ANKS3: variants seen among roughly 807,000 people sequenced by gnomAD.
ANKS3 encodes the protein ankyrin repeat and sterile alpha motif domain containing 3.
Under a neutral mutation model 80.7 loss-of-function variants are expected in ANKS3, and 62 were observed. That is an observed-to-expected ratio of 0.77 (90% CI 0.63 to 0.95). The LOEUF is 0.95. Among genes scored for constraint, ANKS3 ranks in the 40% least tolerant of loss-of-function variants. The pLI is 0.00. For missense variants in ANKS3, 1,150 were observed against 883.6 expected (o/e 1.30, Z -3.82); for synonymous variants, 489 against 355.3 (o/e 1.38, Z -4.23).
At chr16:4,733,192 G>A (rs1046393034) in intron 1 of ANKS3, among the ~76,000 whole-genome samples, 2 of 87,726 alleles carry the variant, frequency 2.3e-5, no homozygotes, top group East Asian at 4.0e-4. Context: ...GACAAAGCGA[G>A]ACTCCGTCTC....
intron 6 of ANKS3, among the ~76,000 whole-genome samples, chr16:4,714,538 C>T (rs1239991512): frequency 6.6e-6 from 1 of 152,212 alleles, no homozygotes; most frequent in Non-Finnish European, 1.5e-5. Context: ...AAGAAAGCAG[C>T]CTTTTAAACC....
chr16:4,724,272 C>A (rs755052594), intron 6 of ANKS3, among the ~76,000 whole-genome samples: 1 of 152,296 alleles, frequency 6.6e-6, no homozygotes, highest in East Asian at 1.9e-4. Context: ...TAAGATGTCT[C>A]TAAGTTACAG....
In ANKS3 at chr16:4,699,079, T is replaced by A. The variant is rs1382711052; in HGVS notation, c.1382A>T (p.Glu461Val). Reference sequence around the variant, plus strand: ...GATGCCAATTTCCTTCAGGTCGCTCTCAGTGAGGGTCAGAAAGATGCGGAG... The same window carrying A: ...GATGCCAATTTCCTTCAGGTCGCTCACAGTGAGGGTCAGAAAGATGCGGAG... ...VDLRIFLTLTESDLKEIGITL... is the reference protein window; with the variant it reads ...VDLRIFLTLTVSDLKEIGITL... Residue 461 changes from glutamate to valine, a missense_variant, in exon 12 of 18, where the codon GAG (glutamate) becomes GTG (valine). Glu to Val is a moderately radical substitution (Grantham distance 121). Transcript: ENST00000304283. 1 of 1,614,030 alleles carries A rather than the reference T, an allele frequency of 6.2e-7. No individual in the cohort carries two copies. Among genetic ancestry groups the A allele is most frequent in the East Asian group, 2.2e-5 (1 of 44,890 alleles).
In ANKS3 at chr16:4,726,641, T is replaced by C; in HGVS notation, c.491+18A>G. On this transcript the variant is annotated intron_variant, in intron 5 of 17. Transcript: ENST00000304283. Reference sequence around the variant, plus strand: ...ACACCTAGGCCACTCCTGTGGCCACTAAAGATGTGGCAATCACCTCACGTT... The same window carrying C: ...ACACCTAGGCCACTCCTGTGGCCACCAAAGATGTGGCAATCACCTCACGTT... 2 of 1,612,024 alleles carry C rather than the reference T, an allele frequency of 1.2e-6. No individual in the cohort carries two copies. The highest frequency in any genetic ancestry group is 1.7e-6 in the Non-Finnish European group (2 of 1,178,392).
rs779464781 is a variant in ANKS3 at position 4,700,926 on chromosome 16, G to C, written c.1284+44C>G. 4 of 1,611,192 alleles carry C rather than the reference G, an allele frequency of 2.5e-6. No homozygotes were observed. In the South Asian group the frequency reaches 3.3e-5, roughly 13 times the overall value. On this transcript the variant is annotated intron_variant, in intron 11 of 17. Transcript: ENST00000304283. Reference sequence around the variant, plus strand: ...ACACATGCCTCCTAAGTCACAAAAAGTGCCGTCTCTGAGTGTAACCTCCAG... The same window carrying C: ...ACACATGCCTCCTAAGTCACAAAAACTGCCGTCTCTGAGTGTAACCTCCAG...
Position 4,724,931 on chromosome 16 carries a change from G to A in ANKS3, c.492-100C>T, listed in dbSNP as rs144298959. On this transcript the variant is annotated intron_variant, in intron 5 of 17. Coordinates refer to ENST00000304283, the MANE Select transcript of ANKS3 (RefSeq NM_133450.4). ...AACCCTGAGCAGTGCACGAGTCACC[G>A]ATCCCTAAGCGTAGAACACTGTCCC... The A allele has an allele frequency of 4.4e-3, 4,257 of 962,538 alleles. 16 individuals carry two copies. Among genetic ancestry groups the A allele is most frequent in the Non-Finnish European group, 5.7e-3 (3,538 of 622,418 alleles). 59.6% of individuals were successfully genotyped at this position (962,538 alleles called of 1,614,324 possible).
Position 4,697,333 on chromosome 16 carries a change from C to T in ANKS3, c.1894G>A (p.Gly632Arg), listed in dbSNP as rs1461753506. 1 of 1,602,058 alleles carries T rather than the reference C, an allele frequency of 6.2e-7. No individual in the cohort carries two copies. Among genetic ancestry groups the T allele is most frequent in the Admixed American group, 1.7e-5 (1 of 58,384 alleles). The change falls in exon 16 of 18, where the codon GGG becomes AGG. Residue 632 changes from glycine (G) to arginine (R), a missense_variant and splice_region_variant. By Grantham distance (125) the Gly-to-Arg change is moderately radical. Coordinates refer to ENST00000304283, the MANE Select transcript of ANKS3 (RefSeq NM_133450.4). ...GALEDRVREM[G>R]QALCLVTQSL... ...AGTCGTCTGGTCCCCGGAGACTCAC[C>T]CATCTCACGGACACGGTCCTCCAGG...
At chr16:4,703,799 A>G (rs2080044242) in intron 8 of ANKS3, among the ~76,000 whole-genome samples, 1 of 152,200 alleles carries the variant, frequency 6.6e-6, no homozygotes, top group Non-Finnish European at 1.5e-5. Flanking sequence ...AATCCCCTGA[A>G]ATACCACACC....
intron 7 of ANKS3, among the ~76,000 whole-genome samples, chr16:4,713,494 G>C (rs1440205428): frequency 6.6e-6 from 1 of 152,142 alleles, no homozygotes; most frequent in Non-Finnish European, 1.5e-5. Context: ...ATTTACAATA[G>C]CGACAAAGAT....
At chr16:4,707,299 T>TG (rs1350735448) in intron 7 of ANKS3, among the ~76,000 whole-genome samples, 2 of 151,120 alleles carry the variant, frequency 1.3e-5, no homozygotes, top group African/African-American at 2.4e-5. Context: ...TTTTTTTTTT[T>TG]GAAACAGAGT....
chr16:4,710,831 G>A (rs532591880), intron 7 of ANKS3, among the ~76,000 whole-genome samples: 60 of 152,192 alleles, frequency 3.9e-4, no homozygotes, highest in African/African-American at 1.2e-3. Flanking sequence ...ATGGAGTCTC[G>A]CTCTGTCGCC....
chr16:4,730,435 A>T (rs2142170708), intron 2 of ANKS3, among the ~76,000 whole-genome samples: 1 of 152,324 alleles, frequency 6.6e-6, no homozygotes, highest in South Asian at 2.1e-4. Context: ...CGCAGGCACC[A>T]GGTAAAAGAG....
At chr16:4,705,919 G>GA (rs1181085294) in intron 7 of ANKS3, among the ~76,000 whole-genome samples, 5 of 140,862 alleles carry the variant, frequency 3.5e-5, no homozygotes, top group African/African-American at 1.2e-4. Context: ...CCTTCCTTTG[G>GA]AAACAACTTT....
rs1425121697 is a variant in ANKS3, at chr16:4,699,252, C to T, written c.1285-76G>A. ...AGAGACGTTTTCCTCCACTCGGAGC[C>T]CCACCACTTCCCCAGGCTCAGAACC... On this transcript the variant is annotated intron_variant, in intron 11 of 17. Transcript: ENST00000304283. 2.6e-6 allele frequency: 4 copies of T among 1,540,306 alleles called. No homozygotes were observed. In the African/African-American group the frequency reaches 4.1e-5, roughly 16 times the overall value.
chr16:4,696,621 T>C lies in ANKS3; in HGVS notation c.*287A>G, dbSNP rs866238390. 1.2e-5 allele frequency: 3 copies of C among 241,220 alleles called. No individual in the cohort carries two copies. Among genetic ancestry groups the C allele is most frequent in the Admixed American group, 1.0e-4 (2 of 19,666 alleles). The allele number at this position is 241,220 out of a possible 1,614,324, so 14.9% of individuals were successfully genotyped here. On this transcript the variant is annotated 3_prime_UTR_variant, in exon 18 of 18. Transcript: ENST00000304283. ...CCTGTGCGTGTATATGGATACACTT[T>C]CCCCCCAGGGCCCTGCCTGGTATGG...
chr16:4,727,984 G>C (rs1333353263), intron 3 of ANKS3: 2 of 152,260 alleles, frequency 1.3e-5, no homozygotes, highest in Admixed American at 6.5e-5. Flanking sequence ...CCCAGTTCTT[G>C]CCTGCAGAGG....
At chr16:4,732,848 G>GA (rs1322579269) in intron 1 of ANKS3, among the ~76,000 whole-genome samples, 1 of 151,982 alleles carries the variant, frequency 6.6e-6, no homozygotes, top group African/African-American at 2.4e-5. Flanking sequence ...GAATCCTAAA[G>GA]AAAATGTGGT....
chr16:4,698,015 G>C lies in ANKS3; in HGVS notation c.1772C>G (p.Pro591Arg), dbSNP rs980868771. The change falls in exon 15 of 18, where the codon CCT (proline) becomes CGT (arginine). Residue 591 changes from proline (P) to arginine (R), a missense_variant. Coordinates refer to ENST00000304283, the MANE Select transcript of ANKS3 (RefSeq NM_133450.4). ...GGCTAGGCCCAGAGTGGCTGCACCA[G>C]GGGGCTGGTCCTGCCTCACTCGAGA... ...LSSRVRQDQP[P>R]GAATLGLAVP... 3 of 1,606,998 alleles carry C rather than the reference G, an allele frequency of 1.9e-6. No individual in the cohort carries two copies. In the African/African-American group the frequency reaches 4.0e-5, roughly 21 times the overall value.
At chr16:4,716,212 T>A (rs2080784178) in intron 6 of ANKS3, among the ~76,000 whole-genome samples, 1 of 151,300 alleles carries the variant, frequency 6.6e-6, no homozygotes, top group South Asian at 2.1e-4. Flanking sequence ...AAAAAGAAAT[T>A]AGCCGGGCGT....
Sources: allele counts gnomAD v4.1 joint callset (sites outside exome capture counted in the v4.1 genomes callset), GRCh38; gene constraint gnomAD v4.1.1; transcripts MANE v1.5; gene names NCBI Gene and HGNC (gene_info 2026-07-23, HGNC 2026-07-21).